Variants in CEP170 observed in about 807,000 individuals in gnomAD.
CEP170 encodes the protein centrosomal protein of 170 kDa.
A neutral mutation model predicts 151.9 loss-of-function variants in CEP170; 21 were observed. The ratio of observed to expected loss-of-function variants is 0.14; its 90% CI spans 0.10 to 0.20. The LOEUF (loss-of-function observed/expected upper bound fraction) is 0.20, where lower values mean the gene tolerates loss of function less well. Among genes scored for constraint, CEP170 ranks in the 10% least tolerant of loss-of-function variants. The pLI is 1.00. For synonymous variants in CEP170, 356 were observed against 648.8 expected (o/e 0.55, Z 6.86); for missense variants, 964 against 1,892.9 (o/e 0.51, Z 9.11).
At chr1:243,146,305 C>G (rs1428533847) in intron 14 of CEP170, among the ~76,000 whole-genome samples, 1 of 152,114 alleles carries the variant, frequency 6.6e-6, no homozygotes, top group South Asian at 2.1e-4. Context: ...GACTTTTAAT[C>G]TGAACAGAGG....
intron 17 of CEP170, among the ~76,000 whole-genome samples, chr1:243,132,959 T>C (rs2054594226): frequency 1.3e-5 from 2 of 152,178 alleles, no homozygotes; most frequent in African/African-American, 4.8e-5. Context: ...TTTTTACAGA[T>C]AGCACTGGTG....
intron 15 of CEP170, among the ~76,000 whole-genome samples, chr1:243,141,042 T>C (rs1236175470): frequency 6.6e-6 from 1 of 152,198 alleles, no homozygotes; most frequent in African/African-American, 2.4e-5. Flanking sequence ...ATTTATTAAG[T>C]TAAACAACAC....
intron 13 of CEP170, among the ~76,000 whole-genome samples, chr1:243,159,809 G>GTGTGTGTGTGTGTGTGTGTGTGTGT: frequency 6.8e-6 from 1 of 146,268 alleles, no homozygotes; most frequent in Non-Finnish European, 1.5e-5. Flanking sequence ...GTGTTTTTGA[G>GTGTGTGTGTGTGTGTGTGTGTGTGT]ATGGAGTCTC....
intron 3 of CEP170, among the ~76,000 whole-genome samples, chr1:243,214,166 A>C (rs1373583401): frequency 1.3e-5 from 2 of 152,192 alleles, no homozygotes; most frequent in Non-Finnish European, 2.9e-5. Context: ...TGTAGACATA[A>C]AATTATTGGA....
At chr1:243,254,159 C>A (rs796489782) in intron 1 of CEP170, among the ~76,000 whole-genome samples, 1 of 151,560 alleles carries the variant, frequency 6.6e-6, no homozygotes, top group African/African-American at 2.4e-5. Context: ...CTCCAGCAGG[C>A]ATAGTCCCTG....
chr1:243,145,781 A>C (rs965396196), intron 14 of CEP170, among the ~76,000 whole-genome samples: 8 of 152,206 alleles, frequency 5.3e-5, no homozygotes, highest in African/African-American at 1.7e-4. Context: ...CTGTTACTTT[A>C]ACATGGGCTA....
intron 3 of CEP170, among the ~76,000 whole-genome samples, chr1:243,221,092 TC>T (rs1342205409): frequency 1.3e-5 from 2 of 152,174 alleles, no homozygotes; most frequent in African/African-American, 4.8e-5. Flanking sequence ...TGGCGCTGTC[TC>T]GGCTCACAAC....
rs1157199451 is a variant in CEP170 at position 243,124,488 on chromosome 1, A to T, written c.*1961T>A. 6.6e-6 allele frequency: 1 copy of T among 152,626 alleles called. No homozygotes were observed. The highest frequency in any genetic ancestry group is 6.5e-5 in the Admixed American group (1 of 15,276). The allele number at this position is 152,626 out of a possible 1,614,324, so 9.5% of individuals were successfully genotyped here. A position where few individuals can be genotyped will look rare whatever the true frequency, so the allele number is the denominator to read the frequency against. Reference sequence around the variant, plus strand: ...TGTAAATGCATAACAAAATAACATAAGTAATAAATGTAACAAAAATAAATA... The same window carrying T: ...TGTAAATGCATAACAAAATAACATATGTAATAAATGTAACAAAAATAAATA... On this transcript the variant is annotated 3_prime_UTR_variant, in exon 20 of 20. Coordinates refer to ENST00000366542, the MANE Select transcript of CEP170 (RefSeq NM_014812.3).
In CEP170 at chr1:243,185,269, T is replaced by C. The variant is rs953482228; in HGVS notation, c.1566+510A>G. 1.3e-5 allele frequency among the ~76,000 whole-genome samples: 2 copies of C among 152,168 alleles called. No individual in the cohort carries two copies. Among genetic ancestry groups the C allele is most frequent in the Admixed American group, 6.5e-5 (1 of 15,278 alleles). On this transcript the variant is annotated intron_variant, in intron 10 of 19. Transcript: ENST00000366542. The surrounding 1 kb of genome is among the most constrained non-coding windows in gnomAD (Gnocchi z 4.9). ...AACTGATTTTGTTTTCATATACTTC[T>C]CTTCTACCACCAATGACAGCAGTGA...
chr1:243,158,756 T>C (rs2057787231), intron 13 of CEP170, among the ~76,000 whole-genome samples: 2 of 152,098 alleles, frequency 1.3e-5, no homozygotes, highest in Non-Finnish European at 2.9e-5. Flanking sequence ...GTAAAGCTAC[T>C]AATAATATCT....
intron 19 of CEP170, among the ~76,000 whole-genome samples, chr1:243,127,297 G>T (rs553279815): frequency 4.2e-4 from 64 of 152,282 alleles, no homozygotes; most frequent in African/African-American, 1.5e-3. Context: ...ATATCACAGG[G>T]CAGCTTGCAA....
At chr1:243,223,646 T>G (rs2062998515) in intron 2 of CEP170, among the ~76,000 whole-genome samples, 1 of 152,284 alleles carries the variant, frequency 6.6e-6, no homozygotes, top group Middle Eastern at 3.4e-3. Context: ...CAGAGTCCAC[T>G]GAGTCGAGTG....
At chr1:243,155,705 A>G (rs1438744016) in intron 14 of CEP170, among the ~76,000 whole-genome samples, 1 of 152,156 alleles carries the variant, frequency 6.6e-6, no homozygotes, top group African/African-American at 2.4e-5. Context: ...AACAGATTTA[A>G]TCTTCAAAAT....
intron 1 of CEP170, among the ~76,000 whole-genome samples, chr1:243,233,210 T>A (rs1338953712): frequency 6.6e-6 from 1 of 152,192 alleles, no homozygotes; most frequent in Non-Finnish European, 1.5e-5. Context: ...AGCATCACAG[T>A]TCCATTTACA....
chr1:243,210,608 ATTT>A (rs751388751), intron 4 of CEP170, among the ~76,000 whole-genome samples: 6 of 67,958 alleles, frequency 8.8e-5, no homozygotes, highest in African/African-American at 1.8e-4. Context: ...ATTTTTCGTA[ATTT>A]TTTTTTTTTT....
At chr1:243,250,982 G>C (rs1029438125) in intron 1 of CEP170, among the ~76,000 whole-genome samples, 1 of 152,198 alleles carries the variant, frequency 6.6e-6, no homozygotes, top group South Asian at 2.1e-4. Flanking sequence ...CCAGCTGAGA[G>C]ATGTGAGGGA....
chr1:243,155,326 CA>C (rs781181237), intron 14 of CEP170, among the ~76,000 whole-genome samples: 5 of 151,614 alleles, frequency 3.3e-5, no homozygotes, highest in Non-Finnish European at 7.4e-5. Flanking sequence ...AAATAAAGAA[CA>C]AAAAAGATGA....
At chr1:243,179,302 A>C (rs1204665477) in intron 10 of CEP170, among the ~76,000 whole-genome samples, 1 of 152,122 alleles carries the variant, frequency 6.6e-6, no homozygotes, top group Non-Finnish European at 1.5e-5. Flanking sequence ...AGTCCCTATA[A>C]GCTGGAAGTT....
At chr1:243,237,091 T>A (rs910922906) in intron 1 of CEP170, among the ~76,000 whole-genome samples, 5 of 152,228 alleles carry the variant, frequency 3.3e-5, no homozygotes, top group Non-Finnish European at 5.9e-5. Flanking sequence ...CTGAAACGTC[T>A]CAGAGTCTAT....
Sources: gnomAD v4.1 joint callset for allele counts (sites outside exome capture counted in the v4.1 genomes callset) on GRCh38, gnomAD v4.1.1 for gene constraint, Gnocchi (gnomAD v3.1) non-coding constraint, MANE v1.5 for transcripts, NCBI Gene and HGNC (gene_info 2026-07-23, HGNC 2026-07-21) for gene names.